The following TOP1MT variants were observed in gnomAD, a reference collection of about 807,000 sequenced individuals.
TOP1MT encodes the protein DNA topoisomerase I mitochondrial.
A neutral mutation model predicts 73.9 loss-of-function variants in TOP1MT; 80 were observed. That is an observed-to-expected ratio of 1.08 (90% confidence interval 0.90 to 1.30). The LOEUF (loss-of-function observed/expected upper bound fraction) is 1.30. Among genes scored for constraint, TOP1MT ranks in the 50% most tolerant of loss-of-function variants. TOP1MT has a pLI of 0.00. For synonymous variants in TOP1MT, 338 were observed against 326.4 expected (o/e 1.04, Z -0.38); for missense variants, 815 against 808.0 (o/e 1.01, Z -0.10).
At chr8:143,342,872 C>A (rs1387203961) in intron 2 of TOP1MT, among the ~76,000 whole-genome samples, 1 of 150,986 alleles carries the variant, frequency 6.6e-6, no homozygotes, top group South Asian at 2.1e-4. Flanking sequence ...GCAACCTCTG[C>A]CTCCCGGGTT....
intron 3 of TOP1MT, 97 bp from the exon 4 acceptor site, chr8:143,326,441 T>C (rs1816711188): frequency 6.5e-7 from 1 of 1,543,854 alleles, no homozygotes; most frequent in Non-Finnish European, 8.8e-7. Flanking sequence ...GCTCTCGCCA[T>C]GTCCGACGGA....
At chr8:143,345,769 A>C (rs1406489039), upstream of TOP1MT, among the ~76,000 whole-genome samples, 1 of 152,204 alleles carries the variant, frequency 6.6e-6, no homozygotes, top group African/African-American at 2.4e-5. Flanking sequence ...AAATGGCAAA[A>C]TCCAAATCAT....
intron 7 of TOP1MT, among the ~76,000 whole-genome samples, chr8:143,321,911 G>T (rs951710973): frequency 6.9e-4 from 10 of 14,456 alleles, no homozygotes; most frequent in Admixed American, 2.6e-3. Context: ...CACACACACA[G>T]GCACGCCACA....
intron 1 of TOP1MT, among the ~76,000 whole-genome samples, chr8:143,351,737 A>G (rs1013572692): frequency 1.3e-5 from 2 of 152,210 alleles, no homozygotes; most frequent in African/African-American, 4.8e-5. Flanking sequence ...GACACCCTAA[A>G]TAAATGAACA....
intron 12 of TOP1MT, among the ~76,000 whole-genome samples, chr8:143,314,174 C>G (rs1043094990): frequency 2.0e-5 from 3 of 152,176 alleles, no homozygotes; most frequent in African/African-American, 7.2e-5. Flanking sequence ...GGAGAAGAGT[C>G]TGGCACCTTC....
chr8:143,355,707 G>C lies in TOP1MT; in HGVS notation c.-39+258C>G, dbSNP rs538818685. On this transcript the variant is annotated intron_variant, in intron 1 of 5. Transcript: ENST00000518760. ...CTTGTTACATCTGGGCCCCCGACACGAATGTGCAAGAGCCGGACCTCTGCA... is the reference window on the plus strand; with the variant it reads ...CTTGTTACATCTGGGCCCCCGACACCAATGTGCAAGAGCCGGACCTCTGCA... Among the ~76,000 whole-genome samples, 4 of 152,304 alleles carry C rather than the reference G, an allele frequency of 2.6e-5. No homozygotes were observed. In the South Asian group the frequency reaches 8.3e-4, roughly 32 times the overall value.
rs1411131113 is a variant in TOP1MT, at chr8:143,318,058, T to A, written c.1175A>T (p.Glu392Val). ...GAGGTCGTCCCGGGGGTCCTTGTTC[T>A]CCATAAAGAGCTGTAAGTTCTTGTA... Reference protein sequence around the residue: ...PVYKNLQLFMENKDPRDDLFD... With the variant: ...PVYKNLQLFMVNKDPRDDLFD... The change falls in exon 9 of 14, where the codon GAG becomes GTG. Residue 392 changes from glutamate (E) to valine (V), a missense_variant. Around this residue, in one of 3 missense-constraint regions of TOP1MT, gnomAD observed 751 missense variants for 725.4 expected, o/e 1.04. Transcript: ENST00000329245. 6.2e-7 allele frequency: 1 copy of A among 1,614,026 alleles called. No homozygotes were observed. The highest frequency in any genetic ancestry group is 1.7e-5 in the Admixed American group (1 of 60,012).
At chr8:143,352,740 C>T (rs774314891) in intron 1 of TOP1MT, among the ~76,000 whole-genome samples, 1 of 152,144 alleles carries the variant, frequency 6.6e-6, no homozygotes, top group Non-Finnish European at 1.5e-5. Context: ...AATCCTTCCA[C>T]CTCAGCTTAC....
intron 1 of TOP1MT, among the ~76,000 whole-genome samples, chr8:143,354,768 C>A (rs1381446713): frequency 6.6e-6 from 1 of 151,646 alleles, no homozygotes; most frequent in Non-Finnish European, 1.5e-5. Flanking sequence ...TTTAACTGAG[C>A]AAAGAGTCAT....
chr8:143,328,378 T>C lies in TOP1MT; in HGVS notation c.360+972A>G, dbSNP rs755640428. Reference sequence around the variant, plus strand: ...AGCGAGGAATACGCAAGCAACTCAGTTTTTTAAATAGACAAAAGTTCACGA... The same window carrying C: ...AGCGAGGAATACGCAAGCAACTCAGCTTTTTAAATAGACAAAAGTTCACGA... On this transcript the variant is annotated intron_variant, in intron 3 of 13. Coordinates refer to ENST00000329245, the MANE Select transcript of TOP1MT (RefSeq NM_052963.3). 34 of 422,242 alleles carry C rather than the reference T, an allele frequency of 8.1e-5. 1 individual carries two copies. The highest frequency in any genetic ancestry group is 5.7e-4 in the South Asian group (34 of 59,370). 26.2% of individuals were successfully genotyped at this position (422,242 alleles called of 1,614,324 possible). A position where few individuals can be genotyped will look rare whatever the true frequency, so the allele number is the denominator to read the frequency against.
chr8:143,323,812 CAA>C (rs1274415909), intron 7 of TOP1MT, among the ~76,000 whole-genome samples, 185 bp downstream of exon 7: 1 of 152,076 alleles, frequency 6.6e-6, no homozygotes, highest in Admixed American at 6.5e-5. Context: ...ACACACCACA[CAA>C]TGCACATGCA....
chr8:143,317,433 A>C (rs1393090159), intron 10 of TOP1MT, among the ~76,000 whole-genome samples: 1 of 152,176 alleles, frequency 6.6e-6, no homozygotes, highest in Admixed American at 6.5e-5. Flanking sequence ...CCTGAGGAGG[A>C]GCTGAGGAAC....
intron 12 of TOP1MT, 101 bp downstream of exon 12, chr8:143,315,626 A>G (rs1816136481): frequency 1.0e-5 from 7 of 697,602 alleles, no homozygotes. Flanking sequence ...GTCTCCGCAC[A>G]AGGAGACAAC....
At chr8:143,318,760 C>G (rs1816246514) in intron 8 of TOP1MT, among the ~76,000 whole-genome samples, 1 of 152,160 alleles carries the variant, frequency 6.6e-6, no homozygotes, top group Admixed American at 6.5e-5. Flanking sequence ...AACTGGCCCC[C>G]TCATCAGCCT....
chr8:143,310,464 G>A (rs1324540673), intron 12 of TOP1MT: 10 of 381,218 alleles, frequency 2.6e-5, no homozygotes, highest in Middle Eastern at 6.8e-4. Context: ...GACCTGACTC[G>A]CAGGAGGGTG....
chr8:143,325,299 G>C, intron 5 of TOP1MT, 47 bp downstream of exon 5: 1 of 1,529,348 alleles, frequency 6.5e-7, no homozygotes, highest in Non-Finnish European at 8.8e-7. Flanking sequence ...AGCCTCACCC[G>C]GGTGGCGGGG....
intron 7 of TOP1MT, among the ~76,000 whole-genome samples, chr8:143,321,948 C>A (rs1816422502): frequency 1.1e-5 from 1 of 93,942 alleles, no homozygotes; most frequent in Non-Finnish European, 2.2e-5. Flanking sequence ...ACGCACGCCA[C>A]ACACGCACGC....
At chr8:143,317,983 G>T (rs759124375) in intron 9 of TOP1MT, 35 bp downstream of exon 9, 4 of 1,611,678 alleles carry the variant, frequency 2.5e-6, no homozygotes, top group Non-Finnish European at 3.4e-6. Context: ...GGGTCCTGCC[G>T]CCGCCCACTG....
intron 1 of TOP1MT, 48 bp downstream of exon 1, chr8:143,334,692 A>G: frequency 6.3e-7 from 1 of 1,594,928 alleles, no homozygotes; most frequent in Non-Finnish European, 8.5e-7. Context: ...GGACCTACCC[A>G]AGCCCGGTGC....
Sources: gnomAD v4.1 joint callset for allele counts (sites outside exome capture counted in the v4.1 genomes callset) on GRCh38, gnomAD v4.1.1 for gene constraint, gnomAD v4.1.1 regional missense constraint, MANE v1.5 for transcripts, NCBI Gene and HGNC (gene_info 2026-07-23, HGNC 2026-07-21) for gene names.